FBXL13: variants seen among roughly 807,000 people sequenced by gnomAD.
FBXL13 encodes F-box and leucine-rich repeat protein 13.
In FBXL13, 67 loss-of-function variants were observed where a neutral mutation model predicts 83.6. The observed-to-expected ratio is 0.80, with a 90% CI of 0.66 to 0.98. The LOEUF (loss-of-function observed/expected upper bound fraction) is 0.98, where lower values mean the gene tolerates loss of function less well. Among genes scored for constraint, FBXL13 ranks in the 50% least tolerant of loss-of-function variants. The probability of loss-of-function intolerance (pLI) is 0.00; values close to 1 mark genes in which losing one functional copy is unlikely to be tolerated. For missense variants in FBXL13, 822 were observed against 866.5 expected (o/e 0.95, Z 0.64); for synonymous variants, 272 against 299.5 (o/e 0.91, Z 0.95).
chr7:102,872,643 T>C (rs563264739), intron 16 of FBXL13, among the ~76,000 whole-genome samples: 1 of 152,284 alleles, frequency 6.6e-6, no homozygotes, highest in East Asian at 1.9e-4. Context: ...ATAATCCAAT[T>C]AACTAGCAGG....
intron 6 of FBXL13, among the ~76,000 whole-genome samples, chr7:103,017,699 C>T (rs2129487246): frequency 6.6e-6 from 1 of 151,984 alleles, no homozygotes; most frequent in South Asian, 2.1e-4. Context: ...GTAGCTGATT[C>T]CATCAAGTGG....
chr7:103,064,936 T>A (rs1798252196), intron 1 of FBXL13, among the ~76,000 whole-genome samples: 1 of 152,180 alleles, frequency 6.6e-6, no homozygotes, highest in Non-Finnish European at 1.5e-5. Context: ...ACCAACTTGC[T>A]AGGCATGCAA....
intron 18 of FBXL13, among the ~76,000 whole-genome samples, chr7:102,828,834 GGGGAGAGCAGCCAGGCTT>G (rs1562915735): frequency 6.6e-6 from 1 of 152,144 alleles, no homozygotes; most frequent in Non-Finnish European, 1.5e-5. Flanking sequence ...TGGGGCCTTA[GGGGAGAGCAGCCAGGCTT>G]TGTGACCTGG....
intron 11 of FBXL13, 121 bp downstream of exon 12, chr7:102,912,965 A>C (rs1815045703): frequency 1.5e-6 from 2 of 1,318,942 alleles, no homozygotes; most frequent in Non-Finnish European, 2.0e-6. Flanking sequence ...TGTAATTTAA[A>C]ACCTCTGAAA....
At chr7:102,876,327 G>A (rs1468530403) in intron 16 of FBXL13, among the ~76,000 whole-genome samples, 9 of 152,278 alleles carry the variant, frequency 5.9e-5, no homozygotes, top group Admixed American at 4.6e-4. Context: ...AGCTTGGACA[G>A]AAGACAACAT....
rs1410574432 is a variant in FBXL13 at position 102,822,031 on chromosome 7, C to G, written c.2018+9G>C. 2.5e-6 allele frequency: 4 copies of G among 1,614,008 alleles called. No individual in the cohort carries two copies. The highest frequency in any genetic ancestry group is 1.7e-4 in the Middle Eastern group (1 of 6,052). ...CTCAAAAGTTTGTCATAGTCAGGTA[C>G]ATACTTACTTGGAAATATTTGTGCA... is the stretch of plus-strand genomic sequence containing the variant. On this transcript the variant is annotated intron_variant, in intron 19 of 19. Coordinates refer to ENST00000313221, the Ensembl canonical transcript of FBXL13.
intron 6 of FBXL13, among the ~76,000 whole-genome samples, chr7:102,980,301 C>T (rs1334882634): frequency 1.3e-5 from 2 of 152,090 alleles, no homozygotes; most frequent in Non-Finnish European, 2.9e-5. Flanking sequence ...AGAAATAAAT[C>T]CATACATCAT....
intron 10 of FBXL13, among the ~76,000 whole-genome samples, chr7:102,923,966 G>A (rs1346607322): frequency 2.6e-5 from 4 of 151,996 alleles, no homozygotes; most frequent in African/African-American, 7.2e-5. Flanking sequence ...TAGGCTGGGC[G>A]CAGTGGCTCA....
chr7:102,874,043 A>G (rs568648657), intron 16 of FBXL13, among the ~76,000 whole-genome samples: 1 of 152,342 alleles, frequency 6.6e-6, no homozygotes, highest in South Asian at 2.1e-4. Flanking sequence ...GTCAGAGTAA[A>G]TACTTGTTAA....
At chr7:102,910,286 A>G (rs1814433935) in intron 11 of FBXL13, among the ~76,000 whole-genome samples, 1 of 152,130 alleles carries the variant, frequency 6.6e-6, no homozygotes, top group Non-Finnish European at 1.5e-5. Flanking sequence ...TATTGTTTCT[A>G]TCTCTTCAAT....
In FBXL13 at chr7:103,066,309, T is replaced by A. The variant is rs530145183; in HGVS notation, c.-105+7937A>T. ...TTAGGTCACCTTAAACATCTTTCAA[T>A]AAAATTTTACAAATTCCTCCAAACA... On this transcript the variant is annotated intron_variant, in intron 1 of 19. Coordinates refer to ENST00000313221, the Ensembl canonical transcript of FBXL13. Among the ~76,000 whole-genome samples the A allele has an allele frequency of 2.0e-5, 3 of 152,312 alleles. No homozygotes were observed. In the South Asian group the frequency reaches 6.2e-4, roughly 32 times the overall value.
Position 102,883,692 on chromosome 7 carries a change from A to T in FBXL13, c.1108-7T>A. The T allele has an allele frequency of 1.3e-6, 2 of 1,548,366 alleles. No individual in the cohort carries two copies. Among genetic ancestry groups the T allele is most frequent in the Non-Finnish European group, 1.8e-6 (2 of 1,124,900 alleles). ...AGCATTTTTCAACTAAAGCCTTTAG[A>T]AGAAAAAAATGATTAAATTAATCAA... On this transcript the variant is annotated splice_region_variant and splice_polypyrimidine_tract_variant and intron_variant, in intron 12 of 19. Coordinates refer to ENST00000313221, the Ensembl canonical transcript of FBXL13.
At chr7:103,009,857 T>C (rs989144926) in intron 6 of FBXL13, among the ~76,000 whole-genome samples, 2 of 152,196 alleles carry the variant, frequency 1.3e-5, no homozygotes, top group Non-Finnish European at 1.5e-5. Flanking sequence ...CCCACTTTTG[T>C]GTGAACTCAG....
intron 6 of FBXL13, among the ~76,000 whole-genome samples, chr7:103,002,027 T>G (rs1790454134): frequency 6.6e-6 from 1 of 152,166 alleles, no homozygotes; most frequent in African/African-American, 2.4e-5. Context: ...GACTGACTAC[T>G]GCCATTCTGT....
At chr7:103,034,251 A>G (rs1346686196) in intron 2 of FBXL13, among the ~76,000 whole-genome samples, 1 of 152,090 alleles carries the variant, frequency 6.6e-6, no homozygotes, top group Non-Finnish European at 1.5e-5. Flanking sequence ...CACACTCCTC[A>G]GCCATTGGGT....
At chr7:102,845,923 A>G (rs1803861937) in intron 17 of FBXL13, among the ~76,000 whole-genome samples, 1 of 152,176 alleles carries the variant, frequency 6.6e-6, no homozygotes, top group Admixed American at 6.5e-5. Context: ...TTATGACTAA[A>G]AGCATCCTTT....
intron 6 of FBXL13, among the ~76,000 whole-genome samples, chr7:103,018,692 C>G (rs916360695): frequency 9.2e-5 from 14 of 152,122 alleles, no homozygotes; most frequent in Non-Finnish European, 1.8e-4. Context: ...TCTGATAAAA[C>G]AGACTTTAAA....
At chr7:102,884,388 T>C (rs76187115) in intron 11 of FBXL13, 76 bp from the exon 13 acceptor site, 18,557 of 1,033,504 alleles carry the variant, frequency 0.018, 226 homozygotes, top group Non-Finnish European at 0.021. Flanking sequence ...TAACCAAAGA[T>C]ACACCATAAT....
At chr7:102,996,853 T>C (rs546263644) in intron 6 of FBXL13, among the ~76,000 whole-genome samples, 9 of 152,174 alleles carry the variant, frequency 5.9e-5, no homozygotes, top group Non-Finnish European at 8.8e-5. Context: ...ACTTCATTTT[T>C]ATTGGTATTG....
Sources: allele counts gnomAD v4.1 joint callset (sites outside exome capture counted in the v4.1 genomes callset), GRCh38; gene constraint gnomAD v4.1.1; transcripts MANE v1.5; gene names NCBI Gene and HGNC (gene_info 2026-07-23, HGNC 2026-07-21).